RTL4: variants seen among roughly 807,000 people sequenced by gnomAD.
RTL4 encodes the protein retrotransposon Gag-like protein 4.
RTL4 carries 4 observed loss-of-function variants against 5.3 expected under a neutral mutation model. The ratio of observed to expected loss-of-function variants is 0.75; its 90% CI spans 0.37 to 1.72. The LOEUF (loss-of-function observed/expected upper bound fraction) is 1.72. Ranked by LOEUF, RTL4 falls within the 40% of genes most tolerant of loss-of-function variation. The pLI is 0.04. For synonymous variants in RTL4, 98 were observed against 87.3 expected, an observed-to-expected ratio of 1.12 and a Z score of -0.68; for missense variants, 260 against 227.1, an observed-to-expected ratio of 1.14 and a Z score of -0.93.
At chrX:112,135,944 C>T in the RTL4 span, among the ~76,000 whole-genome samples, 1 of 107,921 alleles carries the variant, frequency 9.3e-6, no homozygotes, top group African/African-American at 3.3e-5. Flanking sequence ...GCTCCATTGA[C>T]CCATTTATTC....
the RTL4 span, among the ~76,000 whole-genome samples, chrX:112,399,669 A>G: frequency 9.0e-6 from 1 of 111,220 alleles, no homozygotes; most frequent in Admixed American, 9.6e-5. Flanking sequence ...GTGTATATTT[A>G]CCCATGTTGT....
the RTL4 span, among the ~76,000 whole-genome samples, chrX:112,275,770 T>TAA: frequency 1.8e-5 from 2 of 109,455 alleles, no homozygotes; most frequent in Non-Finnish European, 3.8e-5. Context: ...CCTTTCTGTA[T>TAA]AAAAAAAAAT....
chrX:112,406,100 G>A, the RTL4 span, among the ~76,000 whole-genome samples: 38 of 111,365 alleles, frequency 3.4e-4, no homozygotes, highest in Admixed American at 8.6e-4. Context: ...ACTTGCCACC[G>A]TGAGCCAAAG....
chrX:112,390,303 T>A, the RTL4 span, among the ~76,000 whole-genome samples: 2 of 99,050 alleles, frequency 2.0e-5, no homozygotes, highest in African/African-American at 7.4e-5. Context: ...AAATAAAAAA[T>A]TAAATGGGCA....
the RTL4 span, among the ~76,000 whole-genome samples, chrX:112,171,333 C>T: frequency 8.9e-6 from 1 of 111,918 alleles, no homozygotes; most frequent in African/African-American, 3.3e-5. Flanking sequence ...AGAAATGGTA[C>T]CAGATCCTCT....
the RTL4 span, among the ~76,000 whole-genome samples, chrX:112,231,696 A>T: frequency 9.1e-6 from 1 of 110,475 alleles, no homozygotes; most frequent in Admixed American, 9.6e-5. Flanking sequence ...CATTGTGCAC[A>T]TGTACCCTAA....
At chrX:112,086,944 G>GATT in the RTL4 span, among the ~76,000 whole-genome samples, 3 of 112,166 alleles carry the variant, frequency 2.7e-5, no homozygotes, top group Non-Finnish European at 5.6e-5. Context: ...ATTAATTAAT[G>GATT]ATTAATCTTA....
At chrX:112,446,085 CT>C in the RTL4 span, among the ~76,000 whole-genome samples, 1 of 111,769 alleles carries the variant, frequency 8.9e-6, no homozygotes, top group East Asian at 2.8e-4. Flanking sequence ...CCTACTTTGT[CT>C]TTTTACACTC....
chrX:112,101,136 G>C, the RTL4 span, among the ~76,000 whole-genome samples: 47 of 111,558 alleles, frequency 4.2e-4, no homozygotes, highest in Non-Finnish European at 7.2e-4. Context: ...AGACCACAAA[G>C]GAAACAATAT....
chrX:112,301,057 C>A, the RTL4 span, among the ~76,000 whole-genome samples: 2 of 110,898 alleles, frequency 1.8e-5, no homozygotes, highest in Non-Finnish European at 3.8e-5. Flanking sequence ...GAATTGGGTT[C>A]AATACGGAGG....
the RTL4 span, among the ~76,000 whole-genome samples, chrX:112,118,888 T>G: frequency 0.17 from 18,756 of 111,017 alleles, 2,446 homozygotes; most frequent in African/African-American, 0.45. Context: ...TTTGTACTAT[T>G]TTATTTTATT....
the RTL4 span, among the ~76,000 whole-genome samples, chrX:112,211,694 A>T: frequency 8.9e-6 from 1 of 111,802 alleles, no homozygotes; most frequent in Non-Finnish European, 1.9e-5. Flanking sequence ...CTCTGGAGTT[A>T]GATCTTACCT....
chrX:112,212,244 G>C, the RTL4 span, among the ~76,000 whole-genome samples: 1 of 111,241 alleles, frequency 9.0e-6, no homozygotes, highest in Non-Finnish European at 1.9e-5. Context: ...AGGCATGGTG[G>C]CGGGCGCCTG....
chrX:112,309,900 ATG>A, the RTL4 span, among the ~76,000 whole-genome samples: 5 of 103,658 alleles, frequency 4.8e-5, no homozygotes, highest in East Asian at 1.3e-3. Context: ...ACACACATAT[ATG>A]TGTGTGTGTA....
chrX:112,234,698 G>A, the RTL4 span, among the ~76,000 whole-genome samples: 1 of 111,967 alleles, frequency 8.9e-6, no homozygotes, highest in African/African-American at 3.2e-5. Context: ...AGAGAAGCCA[G>A]GTTGATGGGC....
At chrX:112,402,401 TGTG>T in the RTL4 span, among the ~76,000 whole-genome samples, 12 of 9,311 alleles carry the variant, frequency 1.3e-3, no homozygotes, top group African/African-American at 4.1e-3. Context: ...GAATTATTAT[TGTG>T]TGTGTGTGTG....
the RTL4 span, among the ~76,000 whole-genome samples, chrX:112,295,208 A>C: frequency 9.0e-6 from 1 of 111,340 alleles, no homozygotes; most frequent in Non-Finnish European, 1.9e-5. Flanking sequence ...AGAGACCTTG[A>C]ATTAAATGTC....
chrX:112,184,905 C>A, the RTL4 span, among the ~76,000 whole-genome samples: 5 of 111,489 alleles, frequency 4.5e-5, no homozygotes, highest in Admixed American at 4.8e-4. Flanking sequence ...TTTGAGACTG[C>A]AAATAATCAC....
the RTL4 span, among the ~76,000 whole-genome samples, chrX:112,201,973 T>TTGTGTGTGTGTGTGTGTGTGTGTG: frequency 9.7e-6 from 1 of 103,400 alleles, no homozygotes; most frequent in Non-Finnish European, 2.0e-5. Flanking sequence ...TTGTGTGTGT[T>TTGTGTGTGTGTGTGTGTGTGTGTG]TGTGTGTGTG....
Sources: gnomAD v4.1 joint callset for allele counts (sites outside exome capture counted in the v4.1 genomes callset) on GRCh38, gnomAD v4.1.1 for gene constraint, MANE v1.5 for transcripts, NCBI Gene and HGNC (gene_info 2026-07-23, HGNC 2026-07-21) for gene names.